The following CACNA2D4 variants were observed in gnomAD, a reference collection of about 807,000 sequenced individuals.
The protein encoded by CACNA2D4 is voltage-dependent calcium channel subunit alpha-2/delta-4.
CACNA2D4 carries 157 observed loss-of-function variants against 163.8 expected under a neutral mutation model. That is an observed-to-expected ratio of 0.96 (90% CI 0.84 to 1.09). CACNA2D4 has a LOEUF of 1.09. CACNA2D4 is among the 50% of genes least tolerant of loss of function. The pLI is 0.00. For missense variants in CACNA2D4, 1,410 were observed against 1,479.9 expected (o/e 0.95, Z 0.78); for synonymous variants, 598 against 586.9 (o/e 1.02, Z -0.27).
chr12:1,871,377 T>C (rs111163759), intron 18 of CACNA2D4, among the ~76,000 whole-genome samples: 1 of 86,362 alleles, frequency 1.2e-5, no homozygotes, highest in Non-Finnish European at 2.9e-5. Context: ...TGTGTGCTGC[T>C]GGTGTGTGTG....
chr12:1,807,280 A>G (rs1013963924), intron 29 of CACNA2D4, among the ~76,000 whole-genome samples: 6 of 151,554 alleles, frequency 4.0e-5, no homozygotes, highest in African/African-American at 1.5e-4. Flanking sequence ...AATGCTGCCA[A>G]CGTGTGACCA....
chr12:1,911,640 C>T (rs907990035), intron 3 of CACNA2D4, among the ~76,000 whole-genome samples: 5 of 152,296 alleles, frequency 3.3e-5, no homozygotes, highest in African/African-American at 1.2e-4. Context: ...GCAGGAGGCG[C>T]AGGGACCGGT....
At chr12:1,818,231 G>C (rs1434400045) in intron 26 of CACNA2D4, among the ~76,000 whole-genome samples, 1 of 151,750 alleles carries the variant, frequency 6.6e-6, no homozygotes, top group African/African-American at 2.4e-5. Flanking sequence ...TGGGAAGTGA[G>C]GAGCCCCTCT....
intron 26 of CACNA2D4, among the ~76,000 whole-genome samples, chr12:1,826,505 C>T (rs986811078): frequency 1.3e-5 from 2 of 152,016 alleles, no homozygotes; most frequent in South Asian, 4.1e-4. Flanking sequence ...GCTCCTCCAC[C>T]CCTCATGCCA....
chr12:1,796,038 T>C (rs907717224), intron 35 of CACNA2D4: 2 of 531,034 alleles, frequency 3.8e-6, no homozygotes, highest in Non-Finnish European at 6.8e-6. Context: ...CTGGGCCGCT[T>C]TGGAGAGTGC....
chr12:1,872,444 C>T (rs1865806592), intron 18 of CACNA2D4, among the ~76,000 whole-genome samples: 1 of 152,180 alleles, frequency 6.6e-6, no homozygotes, highest in South Asian at 2.1e-4. Context: ...CGAACAGTAA[C>T]AGTTATTCCC....
At position 1,810,337 on chromosome 12, in the gene CACNA2D4, G is replaced by A; in HGVS notation, c.2662C>T (p.Leu888=). ...TTGTTGTCGATGACGAAGCAGTCCA[G>A]ATCCTGGGAGGAAACCCAGAAGGGA... ...PCTQSCEDSD[L]DCFVIDNNGF... is the part of the protein sequence containing the mutation. Residue 888 remains leucine, a synonymous_variant, in exon 29 of 38, where the codon CTG becomes TTG. Coordinates refer to ENST00000382722, the MANE Select transcript of CACNA2D4 (RefSeq NM_172364.5). 1 of 1,613,774 alleles carries A rather than the reference G, an allele frequency of 6.2e-7. No individual in the cohort carries two copies. Among genetic ancestry groups the A allele is most frequent in the Non-Finnish European group, 8.5e-7 (1 of 1,179,766 alleles).
chr12:1,848,132 G>A (rs11062002), intron 23 of CACNA2D4, among the ~76,000 whole-genome samples: 23,709 of 152,134 alleles, frequency 0.16, 2,388 homozygotes, highest in East Asian at 0.4. Flanking sequence ...TTGTGCCACC[G>A]TCAGCACTGT....
chr12:1,793,880 G>A, intron 37 of CACNA2D4, 121 bp from the exon 38 acceptor site: 1 of 732,330 alleles, frequency 1.4e-6, no homozygotes, highest in South Asian at 1.7e-5. Context: ...GAAAGCCGGG[G>A]AAGCACTGCT....
At chr12:1,907,674 G>A in intron 5 of CACNA2D4, 103 bp from the exon 6 acceptor site, 1 of 1,233,828 alleles carries the variant, frequency 8.1e-7, no homozygotes. Flanking sequence ...GGGCGTGTCT[G>A]GTAAGCGTGC....
chr12:1,845,454 C>T (rs111831477), intron 24 of CACNA2D4, among the ~76,000 whole-genome samples: 1 of 152,172 alleles, frequency 6.6e-6, no homozygotes, highest in Non-Finnish European at 1.5e-5. Context: ...CCTAGAAAGC[C>T]TCAGCTTTGC....
intron 29 of CACNA2D4, among the ~76,000 whole-genome samples, chr12:1,803,924 G>A (rs1249653478): frequency 1.3e-5 from 2 of 152,190 alleles, no homozygotes; most frequent in Non-Finnish European, 2.9e-5. Context: ...CTGGCAGGCT[G>A]CATGAAAGAA....
intron 31 of CACNA2D4, 51 bp downstream of exon 31, chr12:1,800,992 G>A (rs1863300367): frequency 6.5e-6 from 10 of 1,541,504 alleles, no homozygotes; most frequent in Non-Finnish European, 9.0e-6. Context: ...CCAGGACAGG[G>A]CAGAGGACTG....
At position 1,884,409 on chromosome 12, in the gene CACNA2D4, C is replaced by T. The variant is rs572310572; in HGVS notation, c.1273-88G>A. On this transcript the variant is annotated intron_variant, in intron 11 of 37. Coordinates refer to ENST00000382722, the MANE Select transcript of CACNA2D4 (RefSeq NM_172364.5). The stretch of plus-strand genomic sequence containing the variant: ...TGTTTATATGAGTCTTAGATGTTGG[C>T]CCCAGTGCCTCTCAGTCTTCGGGTT... The T allele has an allele frequency of 8.9e-5, 94 of 1,055,792 alleles. No homozygotes were observed. In the African/African-American group the frequency reaches 1.3e-3, roughly 14 times the overall value. 65.4% of individuals were successfully genotyped at this position (1,055,792 alleles called of 1,614,324 possible). A position where few individuals can be genotyped will look rare whatever the true frequency, so the allele number is the denominator to read the frequency against.
At chr12:1,818,023 C>A (rs1199309532) in intron 26 of CACNA2D4, among the ~76,000 whole-genome samples, 27 of 151,560 alleles carry the variant, frequency 1.8e-4, no homozygotes, top group Middle Eastern at 3.2e-3. Context: ...GGCCGCCATC[C>A]CATCTAGGAA....
intron 4 of CACNA2D4, 42 bp from the exon 5 acceptor site, chr12:1,908,079 C>T (rs953099721): frequency 1.3e-6 from 2 of 1,571,760 alleles, no homozygotes; most frequent in Non-Finnish European, 1.7e-6. Context: ...GCCCGAGCAC[C>T]GGGACAGGCG....
At chr12:1,812,657 A>G (rs1390672598) in intron 26 of CACNA2D4, among the ~76,000 whole-genome samples, 6 of 152,224 alleles carry the variant, frequency 3.9e-5, no homozygotes, top group Non-Finnish European at 7.3e-5. Context: ...TGACTTTCCA[A>G]GCTGAAGAAA....
intron 26 of CACNA2D4, among the ~76,000 whole-genome samples, chr12:1,838,780 T>C (rs1864947555): frequency 6.6e-6 from 1 of 152,162 alleles, no homozygotes. Flanking sequence ...GTACAGGAGC[T>C]GAGAAGGCCC....
intron 26 of CACNA2D4, among the ~76,000 whole-genome samples, chr12:1,814,758 C>T (rs1385319020): frequency 2.6e-5 from 4 of 152,356 alleles, no homozygotes; most frequent in African/African-American, 7.2e-5. Flanking sequence ...AATGCAAGCA[C>T]CCCCGAACTG....
Sources: gnomAD v4.1 joint callset for allele counts (sites outside exome capture counted in the v4.1 genomes callset) on GRCh38, gnomAD v4.1.1 for gene constraint, MANE v1.5 for transcripts, NCBI Gene and HGNC (gene_info 2026-07-23, HGNC 2026-07-21) for gene names.